GLG1: variants seen among roughly 807,000 people sequenced by gnomAD.
GLG1 encodes the protein golgi glycoprotein 1, also known as Golgi apparatus protein 1.
In GLG1, 38 loss-of-function variants were observed where a neutral mutation model predicts 160.5. That is an observed-to-expected ratio of 0.24 (90% CI 0.18 to 0.31). The LOEUF (loss-of-function observed/expected upper bound fraction) is 0.31, where lower values mean the gene tolerates loss of function less well. Among genes scored for constraint, GLG1 ranks in the 10% least tolerant of loss-of-function variants. The probability of loss-of-function intolerance (pLI) is 1.00; values close to 1 mark genes in which losing one functional copy is unlikely to be tolerated. For missense variants in GLG1, 1,373 were observed against 1,505.2 expected (o/e 0.91, Z 1.45); for synonymous variants, 644 against 543.4 (o/e 1.19, Z -2.57).
intron 1 of GLG1, among the ~76,000 whole-genome samples, chr16:74,576,476 C>T (rs1483127434): frequency 6.6e-6 from 1 of 152,072 alleles, no homozygotes; most frequent in African/African-American, 2.4e-5. Context: ...AGAGGCATAC[C>T]ATACTTATTT....
intron 1 of GLG1, among the ~76,000 whole-genome samples, chr16:74,551,780 A>G (rs546221986): frequency 1.3e-5 from 2 of 152,210 alleles, no homozygotes; most frequent in Admixed American, 6.5e-5. Flanking sequence ...AAGGAGAATT[A>G]CTGGGGAGAA....
intron 7 of GLG1, among the ~76,000 whole-genome samples, chr16:74,492,073 T>C (rs974116243): frequency 6.6e-6 from 1 of 151,902 alleles, no homozygotes; most frequent in African/African-American, 2.4e-5. Context: ...CCTCAAAATG[T>C]TGCACAATGT....
intron 1 of GLG1, among the ~76,000 whole-genome samples, chr16:74,571,499 C>T (rs1390586533): frequency 1.3e-5 from 2 of 152,054 alleles, no homozygotes; most frequent in Admixed American, 1.3e-4. Context: ...ATTCAGAGAC[C>T]TTGTCTTTAT....
chr16:74,532,345 T>C lies in GLG1; in HGVS notation c.439-192A>G, dbSNP rs1294638804. ...TATCTTTTAGGCTGTTGGGGAGAAA[T>C]GTACCAGAAAGGTACATGAGACTTA... On this transcript the variant is annotated intron_variant, in intron 1 of 25. Transcript: ENST00000422840. Among the ~76,000 whole-genome samples the C allele has an allele frequency of 2.0e-5, 3 of 151,874 alleles. No homozygotes were observed. In the East Asian group the frequency reaches 5.8e-4, roughly 29 times the overall value.
chr16:74,518,998 G>A (rs560176302), intron 2 of GLG1, among the ~76,000 whole-genome samples: 20 of 152,058 alleles, frequency 1.3e-4, no homozygotes, highest in South Asian at 2.1e-4. Context: ...TATACCTAAA[G>A]GATTATAAAT....
intron 1 of GLG1, among the ~76,000 whole-genome samples, chr16:74,551,731 A>G (rs777434706): frequency 4.0e-5 from 6 of 151,814 alleles, no homozygotes; most frequent in Non-Finnish European, 8.8e-5. Flanking sequence ...GTCATTACCA[A>G]AGGCTATGAT....
At chr16:74,568,966 C>T (rs1388832328) in intron 1 of GLG1, among the ~76,000 whole-genome samples, 1 of 152,170 alleles carries the variant, frequency 6.6e-6, no homozygotes, top group Non-Finnish European at 1.5e-5. Context: ...GGTACATACC[C>T]AAGAACACAG....
intron 4 of GLG1, among the ~76,000 whole-genome samples, chr16:74,501,289 A>T (rs2016395964): frequency 6.6e-6 from 1 of 152,338 alleles, no homozygotes; most frequent in East Asian, 1.9e-4. Context: ...GTGTGAGTCT[A>T]TCTCACCGTC....
At chr16:74,538,112 G>T (rs1013393982) in intron 1 of GLG1, among the ~76,000 whole-genome samples, 44 of 150,256 alleles carry the variant, frequency 2.9e-4, no homozygotes, top group African/African-American at 1.1e-3. Context: ...AAAGGAATAG[G>T]GTCCTTTTTC....
At chr16:74,525,160 T>A (rs989717463) in intron 2 of GLG1, among the ~76,000 whole-genome samples, 2 of 152,228 alleles carry the variant, frequency 1.3e-5, no homozygotes, top group African/African-American at 2.4e-5. Flanking sequence ...TGGGTATACA[T>A]CTAGCAGGGG....
intron 1 of GLG1, among the ~76,000 whole-genome samples, chr16:74,542,740 A>AGGAAGGAAGGAAG (rs2017918580): frequency 1.2e-4 from 1 of 8,362 alleles, no homozygotes; most frequent in Non-Finnish European, 5.0e-4. Context: ...GAAGGGAGGA[A>AGGAAGGAAGGAAG]GGAAGGAAGG....
At chr16:74,572,471 C>T (rs1686921337) in intron 1 of GLG1, among the ~76,000 whole-genome samples, 1 of 151,058 alleles carries the variant, frequency 6.6e-6, no homozygotes, top group South Asian at 2.1e-4. Flanking sequence ...CGAGATCGCA[C>T]CACTGCCCTC....
At chr16:74,511,062 G>A (rs1248057403) in intron 2 of GLG1, among the ~76,000 whole-genome samples, 1 of 152,158 alleles carries the variant, frequency 6.6e-6, no homozygotes, top group African/African-American at 2.4e-5. Flanking sequence ...GACTGACCGA[G>A]GAGCCTCAAG....
intron 1 of GLG1, among the ~76,000 whole-genome samples, chr16:74,536,229 A>G (rs545495728): frequency 6.6e-6 from 1 of 152,178 alleles, no homozygotes; most frequent in Non-Finnish European, 1.5e-5. Flanking sequence ...ATCTATTTCC[A>G]CAAAACTTTA....
At chr16:74,581,836 T>A (rs1281261059) in intron 1 of GLG1, among the ~76,000 whole-genome samples, 1 of 152,112 alleles carries the variant, frequency 6.6e-6, no homozygotes, top group Admixed American at 6.6e-5. Flanking sequence ...CGCTTGAACC[T>A]GGGAGGCAGA....
At position 74,470,092 on chromosome 16, in the gene GLG1, G is replaced by T. The variant is rs1405034144; in HGVS notation, c.2230-19C>A. On this transcript the variant is annotated intron_variant, in intron 15 of 25. Transcript: ENST00000422840. ...TCTGCACCTGAAAGGTAAAGAGAAA[G>T]AAAGTCAGAAGTTTTGTGGCAACTT... is the stretch of plus-strand genomic sequence containing the variant. 3.9e-6 allele frequency: 6 copies of T among 1,528,580 alleles called. No homozygotes were observed. In the South Asian group the frequency reaches 6.7e-5, roughly 17 times the overall value. The allele number at this position is 1,528,580 out of a possible 1,614,324, so 94.7% of individuals were successfully genotyped here.
At chr16:74,557,066 T>C (rs1199701003) in intron 1 of GLG1, among the ~76,000 whole-genome samples, 1 of 152,188 alleles carries the variant, frequency 6.6e-6, no homozygotes, top group East Asian at 1.9e-4. Context: ...AATCTTTATA[T>C]TTTTGCATCT....
In GLG1 at chr16:74,459,716, T is replaced by C. The variant is rs150531743; in HGVS notation, c.3110A>G (p.Asn1037Ser). The C allele has an allele frequency of 1.6e-5, 26 of 1,602,524 alleles. No individual in the cohort carries two copies. Among genetic ancestry groups the C allele is most frequent in the Middle Eastern group, 1.7e-4 (1 of 6,036 alleles). ...TGQVEECLKVNLLKIKTELCK... is the reference protein window; with the variant it reads ...TGQVEECLKVSLLKIKTELCK... ...CAATTCTGTTTTGATCTTGAGCAGGTTGACCTTGAGGCACTCCTCCACCTG... is the reference window on the plus strand; with the variant it reads ...CAATTCTGTTTTGATCTTGAGCAGGCTGACCTTGAGGCACTCCTCCACCTG... Residue 1037 changes from asparagine (N) to serine (S), a missense_variant, in exon 23 of 26, where the codon AAC becomes AGC. By Grantham distance (46) the Asn-to-Ser change is conservative (BLOSUM62 1). Coordinates refer to ENST00000422840, the MANE Select transcript of GLG1 (RefSeq NM_001145667.2).
intron 1 of GLG1, among the ~76,000 whole-genome samples, chr16:74,597,521 C>T (rs1291526918): frequency 6.6e-6 from 1 of 151,484 alleles, no homozygotes; most frequent in Non-Finnish European, 1.5e-5. Context: ...GAGTTCAAGA[C>T]CAGCATAGCC....
Sources: gnomAD v4.1 joint callset for allele counts (sites outside exome capture counted in the v4.1 genomes callset) on GRCh38, gnomAD v4.1.1 for gene constraint, MANE v1.5 for transcripts, NCBI Gene and HGNC (gene_info 2026-07-23, HGNC 2026-07-21) for gene names.